KALRN: variants seen among roughly 807,000 people sequenced by gnomAD.
The protein encoded by KALRN is kalirin RhoGEF kinase, also known as kalirin.
In KALRN, 70 loss-of-function variants were observed where a neutral mutation model predicts 353.7. The observed-to-expected ratio is 0.20, with a 90% CI of 0.16 to 0.24. KALRN has a LOEUF of 0.24. Ranked by LOEUF, KALRN falls within the 10% of genes least tolerant of loss-of-function variation. The pLI, the probability that KALRN is intolerant of heterozygous loss-of-function variation, is 1.00. For synonymous variants in KALRN, 1,391 were observed against 1,434.8 expected (o/e 0.97, Z 0.69); for missense variants, 2,791 against 3,756.7 (o/e 0.74, Z 6.72).
chr3:124,422,538 A>G (rs2092827634), intron 14 of KALRN, among the ~76,000 whole-genome samples: 1 of 152,068 alleles, frequency 6.6e-6, no homozygotes, highest in African/African-American at 2.4e-5. Flanking sequence ...CTAGGGATGG[A>G]CCTCTATATA....
At chr3:124,701,006 T>C (rs1341398577) in intron 56 of KALRN, among the ~76,000 whole-genome samples, 1 of 152,232 alleles carries the variant, frequency 6.6e-6, no homozygotes. Context: ...GCCTTCAGTC[T>C]CAGCCAGGCT....
intron 51 of KALRN, among the ~76,000 whole-genome samples, chr3:124,690,746 G>C (rs561570940): frequency 6.6e-6 from 1 of 152,346 alleles, no homozygotes; most frequent in East Asian, 1.9e-4. Flanking sequence ...CAGGGTTTTG[G>C]AGGAGCACAT....
intron 33 of KALRN, among the ~76,000 whole-genome samples, chr3:124,553,722 G>A (rs1199387741): frequency 6.6e-6 from 1 of 152,230 alleles, no homozygotes. Flanking sequence ...TCCTGTGCAA[G>A]CACAATCAAA....
At chr3:124,368,551 G>T (rs1269281459) in intron 10 of KALRN, among the ~76,000 whole-genome samples, 1 of 149,640 alleles carries the variant, frequency 6.7e-6, no homozygotes, top group Non-Finnish European at 1.5e-5. Context: ...GATGGCGGCC[G>T]GGCGGAGACG....
At chr3:124,566,129 A>G (rs946662395) in intron 34 of KALRN, among the ~76,000 whole-genome samples, 1 of 152,098 alleles carries the variant, frequency 6.6e-6, no homozygotes, top group African/African-American at 2.4e-5. Context: ...TGAGCTTTCA[A>G]ATGGCATCCT....
intron 3 of KALRN, among the ~76,000 whole-genome samples, chr3:124,245,795 G>A (rs538212361): frequency 3.9e-5 from 6 of 151,908 alleles, no homozygotes; most frequent in Admixed American, 1.3e-4. Context: ...TCATGTACCT[G>A]TTGGCCATTT....
intron 1 of KALRN, among the ~76,000 whole-genome samples, chr3:124,139,533 G>T (rs2066358030): frequency 6.6e-6 from 1 of 152,162 alleles, no homozygotes; most frequent in African/African-American, 2.4e-5. Flanking sequence ...GAACTGCTGG[G>T]CAGCAGTCCC....
rs535377174 is a variant in KALRN at position 124,368,354 on chromosome 3, C to G, written c.1771-16491C>G. ...CTCCTCATTTCTCAGACGGGGCGGC[C>G]GGGCAGAGACGCTCCTCACCTCCCA... On this transcript the variant is annotated intron_variant, in intron 10 of 59. Transcript: ENST00000682506. Among the ~76,000 whole-genome samples, 650 of 147,094 alleles carry G rather than the reference C, an allele frequency of 4.4e-3. 19 individuals carry two copies. The highest frequency in any genetic ancestry group is 0.034 in the Admixed American group (500 of 14,922).
intron 37 of KALRN, among the ~76,000 whole-genome samples, chr3:124,648,645 C>A (rs191298414): frequency 6.6e-6 from 1 of 152,180 alleles, no homozygotes; most frequent in Non-Finnish European, 1.5e-5. Context: ...GTTTCCCAGG[C>A]GTTGCAGTCA....
chr3:124,490,938 G>A, intron 30 of KALRN, 54 bp downstream of exon 30: 1 of 1,490,706 alleles, frequency 6.7e-7, no homozygotes, highest in Non-Finnish European at 9.2e-7. Flanking sequence ...AGAACCCATG[G>A]GCAGGAAGGG....
chr3:124,715,584 G>A (rs1271770528), intron 58 of KALRN, among the ~76,000 whole-genome samples: 1 of 152,234 alleles, frequency 6.6e-6, no homozygotes, highest in African/African-American at 2.4e-5. Flanking sequence ...AGCAGGGTCA[G>A]AGGAAAGCAA....
chr3:124,095,499 C>G (rs1226598538), intron 1 of KALRN, among the ~76,000 whole-genome samples: 1 of 152,188 alleles, frequency 6.6e-6, no homozygotes, highest in Non-Finnish European at 1.5e-5. Flanking sequence ...GAGTTCCTCC[C>G]TATGCACCTC....
intron 13 of KALRN, among the ~76,000 whole-genome samples, chr3:124,400,342 C>T (rs2090706279): frequency 6.6e-6 from 1 of 152,162 alleles, no homozygotes; most frequent in Non-Finnish European, 1.5e-5. Context: ...ACTCCTGCCT[C>T]CTTGGGAGAA....
intron 29 of KALRN, chr3:124,488,524 T>A (rs770693654): frequency 4.3e-5 from 23 of 539,374 alleles, no homozygotes; most frequent in Non-Finnish European, 7.7e-5. Flanking sequence ...GGACCAGGCC[T>A]AAGCCACTGG....
At chr3:124,370,432 T>G (rs554848776) in intron 10 of KALRN, among the ~76,000 whole-genome samples, 17 of 152,330 alleles carry the variant, frequency 1.1e-4, no homozygotes, top group African/African-American at 4.1e-4. Flanking sequence ...CTTTGGGTAA[T>G]TTTTTCAAAA....
intron 38 of KALRN, among the ~76,000 whole-genome samples, chr3:124,655,265 G>A (rs2083883396): frequency 6.6e-6 from 1 of 152,224 alleles, no homozygotes; most frequent in Non-Finnish European, 1.5e-5. Context: ...CAAAATGGTT[G>A]TCAATCTTTC....
chr3:124,593,486 C>A (rs1469293949), intron 34 of KALRN, among the ~76,000 whole-genome samples: 1 of 152,184 alleles, frequency 6.6e-6, no homozygotes, highest in African/African-American at 2.4e-5. Flanking sequence ...AATTTGAGGA[C>A]TACTAACTTA....
intron 55 of KALRN, among the ~76,000 whole-genome samples, chr3:124,698,457 G>A (rs1488459866): frequency 6.6e-6 from 1 of 152,202 alleles, no homozygotes; most frequent in Non-Finnish European, 1.5e-5. Flanking sequence ...TTTTGGCTAA[G>A]ATGATCCAAA....
At chr3:124,227,793 T>C (rs938614660) in intron 1 of KALRN, among the ~76,000 whole-genome samples, 197 bp from the exon 2 acceptor site, 7 of 148,450 alleles carry the variant, frequency 4.7e-5, no homozygotes, top group Non-Finnish European at 8.9e-5. Flanking sequence ...GCAGCCCTGA[T>C]CACCCCTATG....
Sources: gnomAD v4.1 joint callset for allele counts (sites outside exome capture counted in the v4.1 genomes callset) on GRCh38, gnomAD v4.1.1 for gene constraint, MANE v1.5 for transcripts, NCBI Gene and HGNC (gene_info 2026-07-23, HGNC 2026-07-21) for gene names.